The following KHDC1 variants were observed in gnomAD, a reference collection of about 807,000 sequenced individuals.
KHDC1 encodes KH homology domain-containing protein 1.
Under a neutral mutation model 24.7 loss-of-function variants are expected in KHDC1, and 21 were observed. The ratio of observed to expected loss-of-function variants is 0.85; its 90% confidence interval spans 0.60 to 1.23. The LOEUF (loss-of-function observed/expected upper bound fraction) is 1.23, where lower values mean the gene tolerates loss of function less well. KHDC1 is among the 50% of genes most tolerant of loss of function. The pLI is 0.00. For missense variants in KHDC1, 274 were observed against 298.5 expected (o/e 0.92, Z 0.61); for synonymous variants, 98 against 111.7 (o/e 0.88, Z 0.77).
At chr6:73,279,399 A>G (rs1562254570) in intron 2 of KHDC1, among the ~76,000 whole-genome samples, 2 of 152,102 alleles carry the variant, frequency 1.3e-5, no homozygotes, top group Non-Finnish European at 2.9e-5. Flanking sequence ...GCCTGTCTCA[A>G]AAAATAAAAA....
At chr6:73,263,083 G>A in intron 2 of KHDC1, 1 of 1,025,936 alleles carries the variant, frequency 9.7e-7, no homozygotes, top group South Asian at 3.8e-5. Context: ...GGCGGCAGCG[G>A]CTGCAGGCCT....
At position 73,242,470 on chromosome 6, in the gene KHDC1, C is replaced by T. The variant is rs375029443; in HGVS notation, c.267G>A (p.Leu89=). Residue 89 remains leucine, a synonymous_variant, in exon 3 of 5, where the codon CTG becomes CTA. Coordinates refer to ENST00000370384, the Ensembl canonical transcript of KHDC1. ...CCATTGGTGCATGAAAGTTTTGAGGCAGGGTCCACCACGGCTTCTTGCTGA... is the reference window on the plus strand; with the variant it reads ...CCATTGGTGCATGAAAGTTTTGAGGTAGGGTCCACCACGGCTTCTTGCTGA... The T allele has an allele frequency of 2.4e-5, 38 of 1,614,190 alleles. No homozygotes were observed. In the African/African-American group the frequency reaches 4.3e-4, roughly 18 times the overall value.
At chr6:73,257,633 G>A (rs1230769094) in intron 2 of KHDC1, among the ~76,000 whole-genome samples, 1 of 151,812 alleles carries the variant, frequency 6.6e-6, no homozygotes, top group Non-Finnish European at 1.5e-5. Flanking sequence ...TCCTGACCTC[G>A]TGATCCACCT....
rs551703082 is a variant in KHDC1 at position 73,246,866 on chromosome 6, A to G, written c.207-4336T>C. On this transcript the variant is annotated intron_variant, in intron 2 of 4. Transcript: ENST00000370384. The stretch of plus-strand genomic sequence containing the variant: ...TTATATATAAATTAGAAGAGCAAAC[A>G]TTTTTATTAACAGTGGTCATTCCAA... Among the ~76,000 whole-genome samples, 344 of 152,176 alleles carry G rather than the reference A, an allele frequency of 2.3e-3. 1 individual carries two copies. The highest frequency in any genetic ancestry group is 3.7e-3 in the Non-Finnish European group (255 of 68,018).
At chr6:73,255,615 G>T (rs918069192) in intron 2 of KHDC1, among the ~76,000 whole-genome samples, 7 of 149,678 alleles carry the variant, frequency 4.7e-5, no homozygotes, top group African/African-American at 1.7e-4. Flanking sequence ...GAAAGTGACA[G>T]GTCAGACCAG....
intron 2 of KHDC1, among the ~76,000 whole-genome samples, chr6:73,256,132 A>G (rs1208005253): frequency 6.6e-6 from 1 of 152,110 alleles, no homozygotes. Context: ...GTAATTTCGA[A>G]TGTGCTTCAC....
intron 2 of KHDC1, among the ~76,000 whole-genome samples, chr6:73,270,705 T>TTC (rs61003996): frequency 6.6e-6 from 1 of 151,910 alleles, no homozygotes; most frequent in African/African-American, 2.4e-5. Flanking sequence ...TTTTTTTTTT[T>TTC]CTGAAATCGA....
At chr6:73,274,742 T>TGTA in intron 2 of KHDC1, 1 of 152,360 alleles carries the variant, frequency 6.6e-6, no homozygotes, top group East Asian at 1.9e-4. Context: ...CCCAGTCTCG[T>TGTA]GTAGCAGCAT....
At chr6:73,270,429 C>G (rs112776309) in intron 2 of KHDC1, 1 of 151,818 alleles carries the variant, frequency 6.6e-6, no homozygotes, top group African/African-American at 2.4e-5. Flanking sequence ...TGAGATTTTG[C>G]GACTACACTC....
intron 2 of KHDC1, among the ~76,000 whole-genome samples, chr6:73,290,097 A>C: frequency 1.2e-5 from 1 of 82,066 alleles, no homozygotes; most frequent in Non-Finnish European, 2.3e-5. Context: ...ACAGAGCGAG[A>C]CTCCGTCTCA....
intron 2 of KHDC1, among the ~76,000 whole-genome samples, chr6:73,262,470 T>C (rs1766997052): frequency 6.6e-6 from 1 of 152,230 alleles, no homozygotes; most frequent in Non-Finnish European, 1.5e-5. Flanking sequence ...GCGATTACTT[T>C]AAATGACTTC....
At chr6:73,304,371 C>G (rs1454212270) in intron 1 of KHDC1, among the ~76,000 whole-genome samples, 2 of 152,122 alleles carry the variant, frequency 1.3e-5, no homozygotes, top group African/African-American at 4.8e-5. Flanking sequence ...CATACATATA[C>G]ATACATATAA....
intron 2 of KHDC1, chr6:73,268,682 G>A (rs573811246): frequency 2.0e-5 from 3 of 152,384 alleles, no homozygotes; most frequent in Non-Finnish European, 4.4e-5. Flanking sequence ...GCTAGATACA[G>A]AGTGTTGACT....
At chr6:73,278,268 C>T (rs1393551914) in intron 2 of KHDC1, among the ~76,000 whole-genome samples, 4 of 151,676 alleles carry the variant, frequency 2.6e-5, no homozygotes, top group Admixed American at 6.6e-5. Context: ...CCCCCCACCT[C>T]GGCCTCCCAA....
intron 2 of KHDC1, among the ~76,000 whole-genome samples, chr6:73,272,779 G>T (rs576226797): frequency 6.6e-6 from 1 of 150,856 alleles, no homozygotes; most frequent in African/African-American, 2.4e-5. Flanking sequence ...CCATCCCGGG[G>T]GGGAAAAGAA....
At chr6:73,273,274 TCTC>T (rs1314697761) in intron 2 of KHDC1, among the ~76,000 whole-genome samples, 1 of 150,536 alleles carries the variant, frequency 6.6e-6, no homozygotes, top group Non-Finnish European at 1.5e-5. Context: ...TTCAAGCAAT[TCTC>T]CTGTCTCAGC....
At chr6:73,252,910 CTTTA>C (rs1766807053) in intron 2 of KHDC1, among the ~76,000 whole-genome samples, 1 of 151,914 alleles carries the variant, frequency 6.6e-6, no homozygotes, top group African/African-American at 2.4e-5. Flanking sequence ...CCCAATAAAA[CTTTA>C]TTTATAAACA....
intron 2 of KHDC1, among the ~76,000 whole-genome samples, chr6:73,272,367 G>T (rs1420217107): frequency 7.2e-6 from 1 of 138,156 alleles, no homozygotes; most frequent in East Asian, 2.2e-4. Flanking sequence ...TGCTGACCTT[G>T]TGATCCGCCC....
At chr6:73,260,867 A>G (rs1044467493) in intron 2 of KHDC1, among the ~76,000 whole-genome samples, 2 of 151,768 alleles carry the variant, frequency 1.3e-5, no homozygotes, top group African/African-American at 2.4e-5. Flanking sequence ...TTCTTCATCT[A>G]TTGTCTATTT....
Sources: allele counts gnomAD v4.1 joint callset (sites outside exome capture counted in the v4.1 genomes callset), GRCh38; gene constraint gnomAD v4.1.1; transcripts MANE v1.5; gene names NCBI Gene and HGNC (gene_info 2026-07-23, HGNC 2026-07-21).